The following ZNF117 variants were observed in gnomAD, a reference collection of about 807,000 sequenced individuals.
ZNF117 encodes Krueppel-related zinc finger protein.
A neutral mutation model predicts 41.2 loss-of-function variants in ZNF117; 37 were observed. The ratio of observed to expected loss-of-function variants is 0.90; its 90% confidence interval spans 0.69 to 1.18. The LOEUF is 1.18. ZNF117 is among the 50% of genes most tolerant of loss of function. The pLI is 0.00. For synonymous variants in ZNF117, 186 were observed against 186.6 expected (o/e 1.00, Z 0.02); for missense variants, 546 against 557.5 (o/e 0.98, Z 0.21).
chr7:64,978,726 C>T (rs1021193094), exon 3 of ZNF117: 1 of 1,612,868 alleles, frequency 6.2e-7, no homozygotes, highest in Non-Finnish European at 8.5e-7. Context: ...GGCTTTACCA[C>T]ATTCTTCACA....
chr7:64,977,433 G>GT, exon 3 of ZNF117: 1 of 448,114 alleles, frequency 2.2e-6, no homozygotes, highest in Non-Finnish European at 4.4e-6. Flanking sequence ...CTTATGTGTA[G>GT]TAAGTTTTGA....
exon 3 of ZNF117, chr7:64,978,698 G>C (rs866332434): frequency 6.2e-7 from 1 of 1,612,732 alleles, no homozygotes; most frequent in Non-Finnish European, 8.5e-7. Context: ...GTGTAGTAAG[G>C]GTTGAGGACT....
upstream of ZNF117, among the ~76,000 whole-genome samples, chr7:64,983,715 C>T (rs1786079383): frequency 6.6e-6 from 1 of 152,134 alleles, no homozygotes; most frequent in African/African-American, 2.4e-5. Context: ...TACCTGCTAC[C>T]ACCACACCCA....
upstream of ZNF117, among the ~76,000 whole-genome samples, chr7:64,982,973 GT>G (rs1386439074): frequency 1.3e-5 from 2 of 152,162 alleles, no homozygotes; most frequent in Non-Finnish European, 2.9e-5. Flanking sequence ...GTAAATTAGA[GT>G]TTGAATTTAA....
upstream of ZNF117, among the ~76,000 whole-genome samples, chr7:64,982,832 A>G (rs1786059994): frequency 6.6e-6 from 1 of 152,250 alleles, no homozygotes; most frequent in East Asian, 1.9e-4. Flanking sequence ...AAATAATTAT[A>G]GTAAAGAAAT....
intron 1 of ZNF117, among the ~76,000 whole-genome samples, chr7:64,989,486 T>TAC (rs1278131957): frequency 2.1e-4 from 16 of 74,624 alleles, no homozygotes; most frequent in Non-Finnish European, 3.5e-4. Context: ...TATATATATA[T>TAC]ATATATATAT....
intron 1 of ZNF117, among the ~76,000 whole-genome samples, chr7:64,987,427 A>C (rs1786157938): frequency 1.3e-5 from 2 of 152,204 alleles, no homozygotes; most frequent in Admixed American, 6.5e-5. Context: ...AGCAGAGGGC[A>C]AAAAGTAACT....
At chr7:64,991,007 G>GA in exon 1 of ZNF117, 1 of 419,434 alleles carries the variant, frequency 2.4e-6, no homozygotes, top group Non-Finnish European at 4.2e-6. Context: ...TTTCTTGGCA[G>GA]GGGTTAATAC....
At chr7:64,987,619 C>T (rs1786161490) in intron 1 of ZNF117, among the ~76,000 whole-genome samples, 1 of 152,020 alleles carries the variant, frequency 6.6e-6, no homozygotes, top group Non-Finnish European at 1.5e-5. Flanking sequence ...CCTGACCCCA[C>T]AAGAATACAA....
exon 3 of ZNF117, chr7:64,978,291 T>G (rs756204206): frequency 1.3e-6 from 2 of 1,596,598 alleles, no homozygotes; most frequent in African/African-American, 2.7e-5. Context: ...TGAAGATCGG[T>G]TAAAGGCTTT....
At chr7:64,979,383 T>C in exon 3 of ZNF117, 1 of 1,609,414 alleles carries the variant, frequency 6.2e-7, no homozygotes, top group Non-Finnish European at 8.5e-7. Context: ...ATAATCTCCT[T>C]TGTGCTGTTT....
chr7:64,985,088 G>A (rs7794750), upstream of ZNF117, among the ~76,000 whole-genome samples: 62,956 of 152,092 alleles, frequency 0.41, 13,971 homozygotes, highest in Admixed American at 0.51. Context: ...CACCACGCCC[G>A]GCCGAATATA....
intron 2 of ZNF117, 78 bp from the exon 4 acceptor site, chr7:64,979,614 TTACAG>T (rs1412366549): frequency 1.0e-5 from 12 of 1,150,472 alleles, no homozygotes; most frequent in African/African-American, 1.6e-5. Flanking sequence ...ACCCATAAAG[TTACAG>T]AAACTACATA....
At chr7:64,984,918 G>A (rs941365286), upstream of ZNF117, among the ~76,000 whole-genome samples, 1 of 152,134 alleles carries the variant, frequency 6.6e-6, no homozygotes, top group African/African-American at 2.4e-5. Context: ...AGCCTCCTGA[G>A]TAGCTGGGAT....
chr7:64,983,212 A>G (rs989216590), upstream of ZNF117, among the ~76,000 whole-genome samples: 3 of 152,190 alleles, frequency 2.0e-5, no homozygotes, highest in Non-Finnish European at 2.9e-5. Context: ...ATGGTACCTC[A>G]ACGTTACATG....
At chr7:64,974,950 T>TA (rs1785848210) in exon 3 of ZNF117, 1 of 152,002 alleles carries the variant, frequency 6.6e-6, no homozygotes, top group Non-Finnish European at 1.5e-5. Flanking sequence ...ATGGCATAAA[T>TA]ATATACACAC....
chr7:64,977,798 T>C, exon 3 of ZNF117: 1 of 991,102 alleles, frequency 1.0e-6, no homozygotes, highest in Non-Finnish European at 1.5e-6. Context: ...TAAAAGCTTT[T>C]CCACATTCTT....
In ZNF117 at chr7:64,979,274, G is replaced by A. The variant is rs148765545; in HGVS notation, c.297C>T (p.His99=). The stretch of plus-strand genomic sequence containing the variant: ...GTTTATTTTCAGTATGTCTCATCTT[G>A]TGTCTATTTGAATTTGAAATTTTAT... The change falls in exon 3 of 3, where the codon CAC becomes CAT. Residue 99 remains histidine, a synonymous_variant. Coordinates refer to ENST00000620222, the Ensembl canonical transcript of ZNF117. 3.0e-4 allele frequency: 472 copies of A among 1,593,786 alleles called. 3 individuals carry two copies. The East Asian group carries it at 6.2e-3, about 21-fold the overall frequency.
intron 1 of ZNF117, among the ~76,000 whole-genome samples, chr7:64,989,226 T>C (rs528949222): frequency 3.3e-5 from 5 of 149,714 alleles, no homozygotes; most frequent in African/African-American, 1.2e-4. Context: ...AGAAACAGAA[T>C]AGATAGCCAA....
Sources: allele counts gnomAD v4.1 joint callset (sites outside exome capture counted in the v4.1 genomes callset), GRCh38; gene constraint gnomAD v4.1.1; transcripts MANE v1.5; gene names NCBI Gene and HGNC (gene_info 2026-07-23, HGNC 2026-07-21).